BNC2: variants seen among roughly 807,000 people sequenced by gnomAD.
BNC2 encodes the protein zinc finger protein basonuclin-2.
A neutral mutation model predicts 76.3 loss-of-function variants in BNC2; 20 were observed. The observed-to-expected ratio is 0.26, with a 90% CI of 0.18 to 0.38. BNC2 has a LOEUF of 0.38. BNC2 is among the 10% of genes least tolerant of loss of function. BNC2 has a pLI of 1.00. For missense variants in BNC2, 1,382 were observed against 1,399.8 expected (o/e 0.99, Z 0.20); for synonymous variants, 582 against 514.8 (o/e 1.13, Z -1.77).
At chr9:16,496,942 C>T (rs1008329286) in intron 5 of BNC2, among the ~76,000 whole-genome samples, 2 of 152,234 alleles carry the variant, frequency 1.3e-5, no homozygotes, top group African/African-American at 4.8e-5. Context: ...ATCACATCAG[C>T]AGCCTCTCCG....
At chr9:16,532,073 T>A (rs2132240400) in intron 5 of BNC2, among the ~76,000 whole-genome samples, 1 of 152,234 alleles carries the variant, frequency 6.6e-6, no homozygotes, top group Non-Finnish European at 1.5e-5. Flanking sequence ...AGCTACTACT[T>A]TCTGTTAACA....
intron 3 of BNC2, among the ~76,000 whole-genome samples, chr9:16,600,581 C>A (rs1407423512): frequency 1.3e-5 from 2 of 152,124 alleles, no homozygotes; most frequent in African/African-American, 4.8e-5. Context: ...TGCTTCCTCA[C>A]CTAACCATAT....
At chr9:16,811,573 A>AAC (rs1433750047) in intron 1 of BNC2, among the ~76,000 whole-genome samples, 32 of 151,816 alleles carry the variant, frequency 2.1e-4, no homozygotes, top group African/African-American at 7.7e-4. Flanking sequence ...AAAAAAAAAA[A>AAC]AACAGTGTAC....
Position 16,419,596 on chromosome 9 carries a change from T to G in BNC2, c.2693A>C (p.Asp898Ala), listed in dbSNP as rs1408699781. The change falls in exon 7 of 7, where the codon GAC becomes GCC. Residue 898 changes from aspartate to alanine, a missense_variant. Transcript: ENST00000380672. ...HRKLLTKELD[D>A]MGLDSSQPSL... ...GGGCTGCGACGAGTCCAGGCCCATG[T>G]CATCGAGTTCTTTGGTCAACAGTTT... is the stretch of plus-strand genomic sequence containing the variant. 2.1e-5 allele frequency: 34 copies of G among 1,591,660 alleles called. No homozygotes were observed. Among genetic ancestry groups the G allele is most frequent in the Non-Finnish European group, 2.8e-5 (33 of 1,167,856 alleles).
intron 1 of BNC2, among the ~76,000 whole-genome samples, chr9:16,761,622 C>T (rs988033076): frequency 2.6e-5 from 4 of 152,122 alleles, no homozygotes; most frequent in African/African-American, 9.7e-5. Context: ...GCAACATACT[C>T]GTAAGTTCAG....
chr9:16,836,901 C>T (rs1327497638), intron 1 of BNC2, among the ~76,000 whole-genome samples: 3 of 152,118 alleles, frequency 2.0e-5, no homozygotes, highest in African/African-American at 4.8e-5. Flanking sequence ...GATAGCAGGC[C>T]ACTTATATTA....
At chr9:16,829,066 G>T (rs1437763266) in intron 1 of BNC2, among the ~76,000 whole-genome samples, 2 of 152,104 alleles carry the variant, frequency 1.3e-5, no homozygotes, top group African/African-American at 2.4e-5. Context: ...GGGACCTGGG[G>T]CCTGGGGCGG....
chr9:16,569,404 G>A (rs1483597781), intron 4 of BNC2, among the ~76,000 whole-genome samples: 3 of 152,072 alleles, frequency 2.0e-5, no homozygotes, highest in Non-Finnish European at 2.9e-5. Flanking sequence ...TTCAGGGTAT[G>A]TGGATATACA....
At chr9:16,607,119 A>C (rs1048686053) in intron 3 of BNC2, among the ~76,000 whole-genome samples, 5 of 102,192 alleles carry the variant, frequency 4.9e-5, no homozygotes, top group Admixed American at 9.0e-5. Flanking sequence ...GGCTGACTTT[A>C]AAAAAAAAAA....
At chr9:16,841,351 A>T (rs6475084) in intron 1 of BNC2, among the ~76,000 whole-genome samples, 133,886 of 152,238 alleles carry the variant, frequency 0.88, 58,956 homozygotes, top group East Asian at 1. Context: ...TGGGATTCAA[A>T]CTCAGGACTC....
intron 4 of BNC2, among the ~76,000 whole-genome samples, chr9:16,560,546 CAA>C (rs35877425): frequency 1.3e-5 from 2 of 148,472 alleles, no homozygotes; most frequent in Non-Finnish European, 3.0e-5. Context: ...ACCATGTCCA[CAA>C]AAAAAAAATA....
At chr9:16,603,607 C>A (rs1350728676) in intron 3 of BNC2, among the ~76,000 whole-genome samples, 1 of 152,232 alleles carries the variant, frequency 6.6e-6, no homozygotes, top group Admixed American at 6.5e-5. Flanking sequence ...AAAGACTCAA[C>A]AATTAGAGCA....
chr9:16,550,800 G>T (rs1818637447), intron 5 of BNC2, among the ~76,000 whole-genome samples: 1 of 152,172 alleles, frequency 6.6e-6, no homozygotes, highest in South Asian at 2.1e-4. Context: ...ACACTTGTTG[G>T]TTTGGAATAA....
intron 5 of BNC2, among the ~76,000 whole-genome samples, chr9:16,533,434 G>A (rs1293310743): frequency 4.0e-5 from 6 of 151,890 alleles, no homozygotes; most frequent in African/African-American, 1.4e-4. Flanking sequence ...ATACAAATAA[G>A]GAATAAAGCA....
chr9:16,529,405 G>T (rs1339361112), intron 5 of BNC2, among the ~76,000 whole-genome samples: 1 of 152,130 alleles, frequency 6.6e-6, no homozygotes, highest in African/African-American at 2.4e-5. Flanking sequence ...ATATGGAGAA[G>T]TGTTATCTCT....
intron 5 of BNC2, among the ~76,000 whole-genome samples, chr9:16,487,010 T>C (rs1336986163): frequency 6.6e-6 from 1 of 152,208 alleles, no homozygotes; most frequent in African/African-American, 2.4e-5. Context: ...TGCTTGGCCA[T>C]AGACATCGTT....
intron 5 of BNC2, among the ~76,000 whole-genome samples, chr9:16,472,111 T>C (rs1399239539): frequency 6.6e-6 from 1 of 152,210 alleles, no homozygotes; most frequent in Non-Finnish European, 1.5e-5. Context: ...ATCAACAGCA[T>C]GAAAACGAAC....
At chr9:16,772,790 T>C (rs942611656) in intron 1 of BNC2, among the ~76,000 whole-genome samples, 1 of 152,210 alleles carries the variant, frequency 6.6e-6, no homozygotes, top group Non-Finnish European at 1.5e-5. Context: ...CAGGGAAGAC[T>C]GGATCTTAGG....
At chr9:16,631,549 A>G (rs769249394) in intron 3 of BNC2, among the ~76,000 whole-genome samples, 1 of 152,222 alleles carries the variant, frequency 6.6e-6, no homozygotes, top group Non-Finnish European at 1.5e-5. Context: ...CACAGCCAAT[A>G]GTCAAGAAGA....
Sources: gnomAD v4.1 joint callset for allele counts (sites outside exome capture counted in the v4.1 genomes callset) on GRCh38, gnomAD v4.1.1 for gene constraint, MANE v1.5 for transcripts, NCBI Gene and HGNC (gene_info 2026-07-23, HGNC 2026-07-21) for gene names.